CATSPERB: variants seen among roughly 807,000 people sequenced by gnomAD.
CATSPERB encodes the protein cation channel sperm-associated auxiliary subunit beta.
Under a neutral mutation model 128.3 loss-of-function variants are expected in CATSPERB, and 93 were observed. That is an observed-to-expected ratio of 0.72 (90% CI 0.61 to 0.86). The LOEUF (loss-of-function observed/expected upper bound fraction) is 0.86. Ranked by LOEUF, CATSPERB falls within the 40% of genes least tolerant of loss-of-function variation. The probability of loss-of-function intolerance (pLI) is 0.00; values close to 1 mark genes in which losing one functional copy is unlikely to be tolerated. For synonymous variants in CATSPERB, 381 were observed against 448.8 expected (o/e 0.85, Z 1.91); for missense variants, 1,153 against 1,329.5 (o/e 0.87, Z 2.06).
chr14:91,626,199 G>T (rs1190102590), intron 17 of CATSPERB, among the ~76,000 whole-genome samples: 6 of 151,938 alleles, frequency 3.9e-5, no homozygotes, highest in Non-Finnish European at 7.4e-5. Context: ...CTCCTAAGAA[G>T]ATAACATAGG....
chr14:91,685,295 ACTTAATCACCT>A (rs955603704), intron 10 of CATSPERB, among the ~76,000 whole-genome samples: 1 of 152,208 alleles, frequency 6.6e-6, no homozygotes, highest in Non-Finnish European at 1.5e-5. Flanking sequence ...ATGTAATGTT[ACTTAATCACCT>A]CATTTCTAAG....
rs201950806 is a variant in CATSPERB at position 91,591,872 on chromosome 14, G to A, written c.2820+20C>T. 9.3e-6 allele frequency: 14 copies of A among 1,501,346 alleles called. No individual in the cohort carries two copies. Among genetic ancestry groups the A allele is most frequent in the East Asian group, 6.8e-5 (3 of 44,354 alleles). The allele number at this position is 1,501,346 out of a possible 1,614,324, so 93.0% of individuals were successfully genotyped here. A position where few individuals can be genotyped will look rare whatever the true frequency, so the allele number is the denominator to read the frequency against. On this transcript the variant is annotated intron_variant, in intron 23 of 26. Transcript: ENST00000256343. ...TAATAAGAAAGTATCCTGTATTCAG[G>A]TAATTAGAAATGATCTTACTTTTTC...
chr14:91,693,596 C>T, intron 7 of CATSPERB, 117 bp from the exon 8 acceptor site: 1 of 681,916 alleles, frequency 1.5e-6, no homozygotes, highest in Non-Finnish European at 2.6e-6. Context: ...TCTCACTTCC[C>T]AAAGCATTGG....
chr14:91,718,902 C>T (rs1011052640), intron 5 of CATSPERB, among the ~76,000 whole-genome samples: 1 of 152,084 alleles, frequency 6.6e-6, no homozygotes, highest in Non-Finnish European at 1.5e-5. Flanking sequence ...GGGAATGTGT[C>T]TCATGCCTAC....
At chr14:91,713,953 C>T (rs1310091514) in intron 5 of CATSPERB, among the ~76,000 whole-genome samples, 1 of 152,120 alleles carries the variant, frequency 6.6e-6, no homozygotes, top group Non-Finnish European at 1.5e-5. Flanking sequence ...GATAATACAT[C>T]ATGACCAAGT....
chr14:91,669,378 A>G (rs978998544), intron 14 of CATSPERB, among the ~76,000 whole-genome samples: 5 of 151,672 alleles, frequency 3.3e-5, no homozygotes, highest in Admixed American at 6.6e-5. Flanking sequence ...AACTGACTGA[A>G]GGAGCAGCCA....
intron 23 of CATSPERB, 116 bp downstream of exon 23, chr14:91,591,776 C>T (rs1037081941): frequency 2.8e-6 from 2 of 718,236 alleles, no homozygotes; most frequent in African/African-American, 1.8e-5. Flanking sequence ...TTTAGCTCTG[C>T]ATCATAATAA....
intron 10 of CATSPERB, among the ~76,000 whole-genome samples, chr14:91,690,436 A>G (rs1018937565): frequency 6.6e-6 from 1 of 152,122 alleles, no homozygotes. Context: ...TAGAACTTAC[A>G]TTCCAGTTTT....
chr14:91,704,666 G>T lies in CATSPERB; in HGVS notation c.502C>A (p.Pro168Thr). Residue 168 changes from proline to threonine, a missense_variant, in exon 7 of 27, where the codon CCA (proline) becomes ACA (threonine). By Grantham distance (38) the Pro-to-Thr change is conservative. Coordinates refer to ENST00000256343, the MANE Select transcript of CATSPERB (RefSeq NM_024764.4). ...TATAATTTACTGATTTCACTTTCTG[G>T]AATCACATCCCCAGGAGTCCACTGA... The part of the protein sequence containing the change: ...ILQWTPGDVI[P>T]ESEISKLYPH... 6.2e-7 allele frequency: 1 copy of T among 1,613,770 alleles called. No individual in the cohort carries two copies. The highest frequency in any genetic ancestry group is 1.7e-5 in the Admixed American group (1 of 59,994).
chr14:91,610,499 T>C lies in CATSPERB; in HGVS notation c.2579A>G (p.Asn860Ser). 1 of 1,613,730 alleles carries C rather than the reference T, an allele frequency of 6.2e-7. No homozygotes were observed. The highest frequency in any genetic ancestry group is 8.5e-7 in the Non-Finnish European group (1 of 1,180,008). Residue 860 changes from asparagine to serine, a missense_variant, in exon 21 of 27, where the codon AAC becomes AGC. Transcript: ENST00000256343. ...TTTTACCGGCAAAGTTTTGATGAGG[T>C]TAAAACCCTGACTGTCTTTATGAAC... ...SGVHKDSQGF[N>S]LIKTLPINYR...
intron 22 of CATSPERB, chr14:91,605,395 T>C: frequency 1.8e-6 from 1 of 550,292 alleles, no homozygotes; most frequent in South Asian, 2.6e-5. Context: ...TAAGACTTTT[T>C]TCTGGAAGAT....
chr14:91,639,297 T>C (rs1269318473), intron 15 of CATSPERB, 47 bp from the exon 16 acceptor site: 2 of 1,537,934 alleles, frequency 1.3e-6, no homozygotes, highest in Non-Finnish European at 1.8e-6. Flanking sequence ...GTAACAGAAG[T>C]CGAAAAACTT....
At position 91,592,061 on chromosome 14, in the gene CATSPERB, C is replaced by T. The variant is rs754490541; in HGVS notation, c.2710-59G>A. 2.3e-5 allele frequency: 23 copies of T among 992,222 alleles called. No individual in the cohort carries two copies. In the South Asian group the frequency reaches 3.0e-4, roughly 13 times the overall value. The allele number at this position is 992,222 out of a possible 1,614,324, so 61.5% of individuals were successfully genotyped here. Reference sequence around the variant, plus strand: ...TTCTGCGTTGCGGGATTTCTGCAAACTGATAAATATCTAATAAATATTTAT... The same window carrying T: ...TTCTGCGTTGCGGGATTTCTGCAAATTGATAAATATCTAATAAATATTTAT... On this transcript the variant is annotated intron_variant, in intron 22 of 26. Coordinates refer to ENST00000256343, the MANE Select transcript of CATSPERB (RefSeq NM_024764.4).
chr14:91,581,105 A>G lies in CATSPERB; in HGVS notation c.3135T>C (p.Ile1045=). Residue 1045 remains isoleucine (I), a splice_region_variant and synonymous_variant, in exon 27 of 27, where the codon ATT becomes ATC. Coordinates refer to ENST00000256343, the MANE Select transcript of CATSPERB (RefSeq NM_024764.4). The part of the protein sequence containing the change: ...TFCNLIEEFQ[I]YVDEAPLPFP... ...ATGGCAATGGTGCCTCATCAACATA[A>G]ATCTGCAACAGAAAAAGCAAAGTCT... 6.2e-7 allele frequency: 1 copy of G among 1,612,084 alleles called. No individual in the cohort carries two copies. Among genetic ancestry groups the G allele is most frequent in the Non-Finnish European group, 8.5e-7 (1 of 1,179,116 alleles).
intron 13 of CATSPERB, among the ~76,000 whole-genome samples, chr14:91,671,802 C>T (rs551212331): frequency 4.0e-5 from 6 of 151,888 alleles, no homozygotes; most frequent in South Asian, 2.1e-4. Flanking sequence ...GAGGCCGAGG[C>T]GGGCAGATCA....
At chr14:91,673,314 T>G (rs1249071254) in intron 12 of CATSPERB, among the ~76,000 whole-genome samples, 3 of 152,222 alleles carry the variant, frequency 2.0e-5, no homozygotes, top group Non-Finnish European at 4.4e-5. Context: ...TCATGATTGC[T>G]TCTTCACCCA....
At chr14:91,593,056 T>C (rs1220825609) in intron 22 of CATSPERB, among the ~76,000 whole-genome samples, 1 of 152,208 alleles carries the variant, frequency 6.6e-6, no homozygotes, top group Non-Finnish European at 1.5e-5. Flanking sequence ...AGCTTCCACG[T>C]GGTGTTGAGC....
intron 26 of CATSPERB, among the ~76,000 whole-genome samples, chr14:91,586,331 C>T (rs1893297360): frequency 1.3e-5 from 2 of 152,132 alleles, no homozygotes; most frequent in Admixed American, 1.3e-4. Flanking sequence ...ACCAGGGCTG[C>T]TCTTGGGCCA....
chr14:91,614,252 TAC>T (rs150412247), intron 20 of CATSPERB, among the ~76,000 whole-genome samples: 2,139 of 152,122 alleles, frequency 0.014, 55 homozygotes, highest in African/African-American at 0.047. Context: ...GGTCACACAA[TAC>T]CAGAAGTGAG....
Sources: gnomAD v4.1 joint callset for allele counts (sites outside exome capture counted in the v4.1 genomes callset) on GRCh38, gnomAD v4.1.1 for gene constraint, MANE v1.5 for transcripts, NCBI Gene and HGNC (gene_info 2026-07-23, HGNC 2026-07-21) for gene names.